Variants in EFL1 observed in about 807,000 individuals in gnomAD.
The protein encoded by EFL1 is elongation factor like GTPase 1.
EFL1 carries 76 observed loss-of-function variants against 126.7 expected under a neutral mutation model. The observed-to-expected ratio is 0.60, with a 90% confidence interval of 0.50 to 0.73. EFL1 has a LOEUF of 0.73. EFL1 is among the 30% of genes least tolerant of loss of function. The pLI is 0.00. For synonymous variants in EFL1, 410 were observed against 448.4 expected, an observed-to-expected ratio of 0.91 and a Z score of 1.08; for missense variants, 1,128 against 1,343.2, an observed-to-expected ratio of 0.84 and a Z score of 2.50.
intron 3 of EFL1, among the ~76,000 whole-genome samples, chr15:82,255,292 T>G (rs1299149681): frequency 1.3e-5 from 2 of 152,214 alleles, no homozygotes. Flanking sequence ...ACTGGCCATT[T>G]AACATTCCTT....
chr15:82,240,400 T>A lies in EFL1; in HGVS notation c.516+18A>T, dbSNP rs78141212. ...CTTCTTCGTGGCTAAATTTTTTAAA[T>A]ACTAAAAATTAAAATACCTGTTCTA... On this transcript the variant is annotated intron_variant, in intron 6 of 19. Transcript: ENST00000268206. 6.3e-5 allele frequency: 97 copies of A among 1,551,826 alleles called. No individual in the cohort carries two copies. In the African/African-American group the frequency reaches 1.3e-3, roughly 20 times the overall value.
chr15:82,151,442 T>C lies in EFL1; in HGVS notation c.2989+23A>G. Reference sequence around the variant, plus strand: ...CACTGTTATTCAGGGCATTTCTCACTATCTTTACCTTTTCTTCCTTACCGA... The same window carrying C: ...CACTGTTATTCAGGGCATTTCTCACCATCTTTACCTTTTCTTCCTTACCGA... On this transcript the variant is annotated intron_variant, in intron 18 of 19. Coordinates refer to ENST00000268206, the MANE Select transcript of EFL1 (RefSeq NM_024580.6). 1.3e-6 allele frequency: 2 copies of C among 1,570,292 alleles called. 1 individual carries two copies. The highest frequency in any genetic ancestry group is 2.4e-5 in the South Asian group (2 of 84,480).
intron 4 of EFL1, among the ~76,000 whole-genome samples, chr15:82,248,837 C>T (rs968364647): frequency 6.6e-6 from 1 of 151,184 alleles, no homozygotes; most frequent in Non-Finnish European, 1.5e-5. Flanking sequence ...ACCGAAAATC[C>T]TGATGCCAAC....
At position 82,248,332 on chromosome 15, in the gene EFL1, G is replaced by C. The variant is rs34471747; in HGVS notation, c.244+4359C>G. 4.8e-3 allele frequency among the ~76,000 whole-genome samples: 734 copies of C among 152,218 alleles called. 15 individuals carry two copies. The highest frequency in any genetic ancestry group is 0.017 in the African/African-American group (707 of 41,470). On this transcript the variant is annotated intron_variant, in intron 4 of 19. Transcript: ENST00000268206. ...CCTCATTCTGGAAAGAATAAGGCAA[G>C]TTAGGACCATGGGTAAACGTTCACA...
intron 17 of EFL1, among the ~76,000 whole-genome samples, chr15:82,156,507 T>C (rs1371846812): frequency 6.6e-6 from 1 of 152,104 alleles, no homozygotes; most frequent in Non-Finnish European, 1.5e-5. Context: ...ATGGTCTCGA[T>C]CTCCTGACCT....
chr15:82,217,382 A>AAAAAAAAC, intron 14 of EFL1, among the ~76,000 whole-genome samples: 1 of 143,222 alleles, frequency 7.0e-6, no homozygotes, highest in Middle Eastern at 3.4e-3. Context: ...TGAAAAAAAA[A>AAAAAAAAC]AAAAAAAAAA....
intron 15 of EFL1, among the ~76,000 whole-genome samples, chr15:82,179,164 A>G (rs890795065): frequency 6.6e-6 from 1 of 151,988 alleles, no homozygotes; most frequent in South Asian, 2.1e-4. Flanking sequence ...AATAAATAAA[A>G]AAAAGAATGG....
At chr15:82,205,559 C>CAA (rs1164020314) in intron 15 of EFL1, among the ~76,000 whole-genome samples, 1 of 152,074 alleles carries the variant, frequency 6.6e-6, no homozygotes, top group Non-Finnish European at 1.5e-5. Flanking sequence ...CACACACACA[C>CAA]AAACACACTC....
chr15:82,195,068 T>C (rs1288660146), intron 15 of EFL1, among the ~76,000 whole-genome samples: 2 of 152,258 alleles, frequency 1.3e-5, no homozygotes, highest in African/African-American at 2.4e-5. Context: ...AAACTGTCAC[T>C]TTCTACCTGT....
intron 15 of EFL1, among the ~76,000 whole-genome samples, chr15:82,200,603 C>G (rs2074457532): frequency 6.6e-6 from 1 of 152,152 alleles, no homozygotes; most frequent in African/African-American, 2.4e-5. Context: ...CCAGGACATA[C>G]CTGGGAGCCT....
chr15:82,157,525 C>T, intron 17 of EFL1, 188 bp downstream of exon 17: 1 of 591,224 alleles, frequency 1.7e-6, no homozygotes, highest in Non-Finnish European at 2.7e-6. Flanking sequence ...CAAGTGTAGG[C>T]AGTGAATGCC....
chr15:82,166,297 G>C (rs1372053153), intron 15 of EFL1, among the ~76,000 whole-genome samples: 1 of 152,134 alleles, frequency 6.6e-6, no homozygotes, highest in Non-Finnish European at 1.5e-5. Flanking sequence ...ACATTTTGCT[G>C]TTCCAATTAC....
At chr15:82,179,719 A>T (rs1409646586) in intron 15 of EFL1, among the ~76,000 whole-genome samples, 3 of 151,336 alleles carry the variant, frequency 2.0e-5, no homozygotes, top group Admixed American at 6.6e-5. Context: ...AAAAATGCCA[A>T]ATGTGGCTGG....
chr15:82,208,357 A>C (rs1051793146), intron 15 of EFL1, among the ~76,000 whole-genome samples: 1 of 152,204 alleles, frequency 6.6e-6, no homozygotes, highest in Non-Finnish European at 1.5e-5. Context: ...CTAGCCATAC[A>C]TAGTTATTAA....
rs1275027017 is a variant in EFL1, at chr15:82,214,843, A to G, written c.1624T>C (p.Phe542Leu). ...LEFLRRVPLG[F>L]SAPPDGLPQV... is the part of the protein sequence containing the mutation. ...GGGAGGCCATCTGGTGGAGCTGAGA[A>G]GCCTAATGGTACCTGGGCAAAGAAA... is the stretch of plus-strand genomic sequence containing the variant. Residue 542 changes from phenylalanine to leucine, a missense_variant, in exon 15 of 20, where the codon TTC (phenylalanine) becomes CTC (leucine). Physicochemically the swap from Phe to Leu is conservative, Grantham distance 22. This residue lies in a region of EFL1 where 120 missense variants were observed against 142.1 expected (regional missense o/e 0.84). Coordinates refer to ENST00000268206, the MANE Select transcript of EFL1 (RefSeq NM_024580.6). 1 of 1,588,942 alleles carries G rather than the reference A, an allele frequency of 6.3e-7. No homozygotes were observed.
At chr15:82,204,211 A>G (rs1403311851) in intron 15 of EFL1, among the ~76,000 whole-genome samples, 3 of 152,110 alleles carry the variant, frequency 2.0e-5, no homozygotes, top group Middle Eastern at 3.2e-3. Flanking sequence ...TTCTCTATCC[A>G]GTATCACCTT....
rs1420529879 is a variant in EFL1 at position 82,196,638 on chromosome 15, T to C, written c.1750+18079A>G. Among the ~76,000 whole-genome samples the C allele has an allele frequency of 3.3e-5, 5 of 152,336 alleles. No individual in the cohort carries two copies. In the East Asian group the frequency reaches 9.6e-4, roughly 29 times the overall value. ...ACTAAAGTTTGTTTCAAGGCTTAAGTAAGAAAACAAACAAAACTGACTCAG... is the reference window on the plus strand; with the variant it reads ...ACTAAAGTTTGTTTCAAGGCTTAAGCAAGAAAACAAACAAAACTGACTCAG... On this transcript the variant is annotated intron_variant, in intron 15 of 19. Coordinates refer to ENST00000268206, the MANE Select transcript of EFL1 (RefSeq NM_024580.6).
chr15:82,215,852 T>G (rs2074640063), intron 14 of EFL1, among the ~76,000 whole-genome samples: 1 of 152,194 alleles, frequency 6.6e-6, no homozygotes, highest in Non-Finnish European at 1.5e-5. Flanking sequence ...CAGGCACATG[T>G]TACATCTAAA....
chr15:82,142,341 T>A (rs1352087849), intron 18 of EFL1, among the ~76,000 whole-genome samples: 3 of 152,072 alleles, frequency 2.0e-5, no homozygotes, highest in Non-Finnish European at 1.5e-5. Flanking sequence ...AATTTAAAAA[T>A]TAGCCAGGTG....
Sources: allele counts gnomAD v4.1 joint callset (sites outside exome capture counted in the v4.1 genomes callset), GRCh38; gene constraint gnomAD v4.1.1; regional missense constraint gnomAD v4.1.1; transcripts MANE v1.5; gene names NCBI Gene and HGNC (gene_info 2026-07-23, HGNC 2026-07-21).